NUDC: variants seen among roughly 807,000 people sequenced by gnomAD.
The protein encoded by NUDC is nuclear migration protein nudC.
NUDC carries 14 observed loss-of-function variants against 45.0 expected under a neutral mutation model. The ratio of observed to expected loss-of-function variants is 0.31; its 90% CI spans 0.21 to 0.49. NUDC has a LOEUF of 0.49. NUDC is among the 20% of genes least tolerant of loss of function. The pLI, the probability that NUDC is intolerant of heterozygous loss-of-function variation, is 0.99. For synonymous variants in NUDC, 153 were observed against 156.7 expected (o/e 0.98, Z 0.17); for missense variants, 323 against 426.2 (o/e 0.76, Z 2.13).
chr1:26,931,686 G>A (rs1488030451), intron 2 of NUDC, among the ~76,000 whole-genome samples: 1 of 150,478 alleles, frequency 6.6e-6, no homozygotes, highest in African/African-American at 2.4e-5. Flanking sequence ...GGCTGAGGGA[G>A]GAGAATCGCT....
intron 3 of NUDC, among the ~76,000 whole-genome samples, chr1:26,916,017 CAG>C (rs1461600290): frequency 6.6e-6 from 1 of 152,058 alleles, no homozygotes; most frequent in African/African-American, 2.4e-5. Flanking sequence ...ATTTTTAAAA[CAG>C]TGACAAGAAT....
At chr1:26,915,058 C>CATACATATATATATATATATATATAT (rs758134417) in intron 3 of NUDC, among the ~76,000 whole-genome samples, 1 of 140,550 alleles carries the variant, frequency 7.1e-6, no homozygotes, top group African/African-American at 2.6e-5. Flanking sequence ...TACATACATA[C>CATACATATATATATATATATATATAT]ATATATATAT....
intron 2 of NUDC, among the ~76,000 whole-genome samples, chr1:26,907,144 C>T (rs1197238684): frequency 2.6e-5 from 4 of 152,210 alleles, no homozygotes; most frequent in Non-Finnish European, 5.9e-5. Flanking sequence ...GTTAACTAAG[C>T]ACCTCTTGCT....
In NUDC at chr1:26,921,755, C is replaced by T; in HGVS notation, c.-94C>T. 8 of 1,343,052 alleles carry T rather than the reference C, an allele frequency of 6.0e-6. No individual in the cohort carries two copies. The highest frequency in any genetic ancestry group is 4.0e-5 in the Admixed American group (2 of 50,328). The allele number at this position is 1,343,052 out of a possible 1,614,324, so 83.2% of individuals were successfully genotyped here. A position where few individuals can be genotyped will look rare whatever the true frequency, so the allele number is the denominator to read the frequency against. ...TTCCGGCTCCGCTGCGGAAGGCGGACGACTAGAGTCGTTGGGCCCGGCGCG... is the reference window on the plus strand; with the variant it reads ...TTCCGGCTCCGCTGCGGAAGGCGGATGACTAGAGTCGTTGGGCCCGGCGCG... On this transcript the variant is annotated 5_prime_UTR_variant, in exon 1 of 9. The change creates a new upstream start codon in the 5' untranslated region. Transcript: ENST00000321265.
intron 8 of NUDC, 112 bp downstream of exon 8, chr1:26,945,798 C>T: frequency 1.2e-6 from 1 of 863,278 alleles, no homozygotes; most frequent in Admixed American, 1.7e-5. Flanking sequence ...TGCCCCCTTT[C>T]CAGCCATGTT....
rs1275494032 is a variant in NUDC at position 26,913,755 on chromosome 1, A to G, written c.93+2520A>G. On this transcript the variant is annotated intron_variant, in intron 3 of 6. Coordinates refer to the NUDC transcript ENST00000435827. ...TGAGGAAGGCCACTGTCTTGGCCAG[A>G]ACATCCAAGGCCTCCCGGCAGGTGC... The G allele has an allele frequency of 1.3e-5, 20 of 1,585,786 alleles. No homozygotes were observed. Among genetic ancestry groups the G allele is most frequent in the Admixed American group, 1.8e-5 (1 of 56,988 alleles).
chr1:26,902,622 C>A (rs1332858595), intron 2 of NUDC, among the ~76,000 whole-genome samples: 2 of 152,068 alleles, frequency 1.3e-5, no homozygotes, highest in African/African-American at 2.4e-5. Flanking sequence ...TGGTAACTCA[C>A]ACCTGTAATC....
Position 26,921,804 on chromosome 1 carries a change from G to C in NUDC, c.-45G>C, listed in dbSNP as rs2082093221. 1 of 1,537,338 alleles carries C rather than the reference G, an allele frequency of 6.5e-7. No homozygotes were observed. The highest frequency in any genetic ancestry group is 2.0e-5 in the Admixed American group (1 of 50,976). On this transcript the variant is annotated 5_prime_UTR_variant, in exon 1 of 9. Transcript: ENST00000321265. ...CGACCCGCAGGAGCGTAGAGAGCGC[G>C]GGACTAGAGTGCAGAGCTCCGGGAC... is the stretch of plus-strand genomic sequence containing the variant.
rs568677664 is a variant in NUDC at position 26,923,887 on chromosome 1, A to G, written c.82-202A>G. The stretch of plus-strand genomic sequence containing the variant: ...ATCACAAGGAAAGTGAAAGGCGCAC[A>G]CACACACAGGATATGAGAAATCTGC... On this transcript the variant is annotated intron_variant, in intron 1 of 8. Transcript: ENST00000321265. Among the ~76,000 whole-genome samples the G allele has an allele frequency of 1.2e-4, 18 of 152,306 alleles. No homozygotes were observed. The South Asian group carries it at 3.3e-3, about 28-fold the overall frequency.
intron 2 of NUDC, among the ~76,000 whole-genome samples, chr1:26,909,161 G>T (rs2082014720): frequency 6.6e-6 from 1 of 152,050 alleles, no homozygotes; most frequent in East Asian, 1.9e-4. Context: ...TTTTAGTAGA[G>T]ACAGGGTTTC....
At chr1:26,900,438 G>C in intron 1 of NUDC, 1 of 1,607,882 alleles carries the variant, frequency 6.2e-7, no homozygotes, top group African/African-American at 1.3e-5. Flanking sequence ...GCCGGGCACC[G>C]CCATCTTGGA....
At chr1:26,907,398 G>C (rs55701425) in intron 2 of NUDC, among the ~76,000 whole-genome samples, 2,095 of 152,280 alleles carry the variant, frequency 0.014, 49 homozygotes, top group African/African-American at 0.048. Context: ...TGTTTCATGA[G>C]AGTAAGAAAT....
chr1:26,913,426 G>A (rs1463909940), intron 3 of NUDC: 1 of 1,614,120 alleles, frequency 6.2e-7, no homozygotes, highest in Admixed American at 1.7e-5. Flanking sequence ...GAAGAGGATG[G>A]TCCCTTTCAG....
chr1:26,903,341 C>T (rs2081988447), intron 2 of NUDC, among the ~76,000 whole-genome samples: 1 of 151,974 alleles, frequency 6.6e-6, no homozygotes, highest in African/African-American at 2.4e-5. Context: ...TAGTTGTTAC[C>T]TTTGGAGGGA....
At chr1:26,926,387 G>C (rs2082133187) in intron 2 of NUDC, among the ~76,000 whole-genome samples, 1 of 152,150 alleles carries the variant, frequency 6.6e-6, no homozygotes, top group Admixed American at 6.6e-5. Flanking sequence ...ACCTAGTCGA[G>C]TTCCCAGCAA....
At chr1:26,903,014 C>T (rs1230243338) in intron 2 of NUDC, among the ~76,000 whole-genome samples, 1 of 151,416 alleles carries the variant, frequency 6.6e-6, no homozygotes, top group Non-Finnish European at 1.5e-5. Flanking sequence ...CACACCACTG[C>T]ACACTCCATC....
intron 6 of NUDC, chr1:26,945,055 T>C (rs1181940089): frequency 8.6e-6 from 3 of 349,348 alleles, no homozygotes; most frequent in Non-Finnish European, 1.6e-5. Context: ...AAAATATATA[T>C]ATTTATTTTC....
chr1:26,924,003 C>G (rs1297054646), intron 1 of NUDC, 86 bp from the exon 2 acceptor site: 5 of 1,233,642 alleles, frequency 4.1e-6, no homozygotes, highest in African/African-American at 1.5e-5. Context: ...CCCAAGTTCC[C>G]TCCTAGACAA....
intron 2 of NUDC, among the ~76,000 whole-genome samples, chr1:26,927,634 G>C (rs1362075199): frequency 6.6e-6 from 1 of 151,872 alleles, no homozygotes; most frequent in East Asian, 1.9e-4. Context: ...CTGAGCTCGT[G>C]ATCTGCCCGC....
Sources: gnomAD v4.1 joint callset for allele counts (sites outside exome capture counted in the v4.1 genomes callset) on GRCh38, gnomAD v4.1.1 for gene constraint, MANE v1.5 for transcripts, NCBI Gene and HGNC (gene_info 2026-07-23, HGNC 2026-07-21) for gene names.